The following SCRG1 variants were observed in gnomAD, a reference collection of about 807,000 sequenced individuals.
The protein encoded by SCRG1 is stimulator of chondrogenesis 1.
A neutral mutation model predicts 7.7 loss-of-function variants in SCRG1; 3 were observed. The observed-to-expected ratio is 0.39, with a 90% CI of 0.18 to 1.01. The LOEUF (loss-of-function observed/expected upper bound fraction) is 1.01. Among genes scored for constraint, SCRG1 ranks in the 50% least tolerant of loss-of-function variants. The probability of loss-of-function intolerance (pLI) is 0.36; values close to 1 mark genes in which losing one functional copy is unlikely to be tolerated. For missense variants in SCRG1, 110 were observed against 117.2 expected (o/e 0.94, Z 0.28); for synonymous variants, 46 against 41.2 (o/e 1.12, Z -0.44).
chr4:173,434,488 C>T, the SCRG1 span, among the ~76,000 whole-genome samples: 2 of 152,204 alleles, frequency 1.3e-5, no homozygotes, highest in South Asian at 2.1e-4. Context: ...GCAAGCAATA[C>T]GTTCTAAATG....
chr4:173,390,353 T>C (rs1338300088), intron 2 of SCRG1, among the ~76,000 whole-genome samples: 1 of 152,230 alleles, frequency 6.6e-6, no homozygotes. Context: ...TGAACTTCTA[T>C]CTAGTTCATT....
the SCRG1 span, among the ~76,000 whole-genome samples, chr4:173,516,800 G>C: frequency 6.6e-6 from 1 of 152,188 alleles, no homozygotes; most frequent in Admixed American, 6.5e-5. Flanking sequence ...ACCGGGTTCC[G>C]ACTCCACCGC....
At chr4:173,438,719 T>C in the SCRG1 span, among the ~76,000 whole-genome samples, 1 of 152,130 alleles carries the variant, frequency 6.6e-6, no homozygotes, top group African/African-American at 2.4e-5. Flanking sequence ...AATAAATCTT[T>C]TTTTTAATTC....
At chr4:173,391,762 T>C (rs1040502916) in intron 1 of SCRG1, among the ~76,000 whole-genome samples, 2 of 152,252 alleles carry the variant, frequency 1.3e-5, no homozygotes, top group South Asian at 4.1e-4. Flanking sequence ...ACCCTGTATC[T>C]ACAAAAAATT....
At chr4:173,484,495 A>AATATATATTATATATTATATAC in the SCRG1 span, among the ~76,000 whole-genome samples, 1 of 24,002 alleles carries the variant, frequency 4.2e-5, no homozygotes, top group Non-Finnish European at 8.8e-5. Context: ...ATATACATAT[A>AATATATATTATATATTATATAC]ATATATATTA....
At chr4:173,484,169 A>G in the SCRG1 span, among the ~76,000 whole-genome samples, 2 of 48,256 alleles carry the variant, frequency 4.1e-5, no homozygotes, top group Non-Finnish European at 7.6e-5. Flanking sequence ...TACATTATAT[A>G]TAATATATAA....
At chr4:173,419,393 T>C in the SCRG1 span, 1 of 1,214,610 alleles carries the variant, frequency 8.2e-7, no homozygotes, top group Non-Finnish European at 1.2e-6. Context: ...GACTGGATTC[T>C]CTCGTACAGC....
the SCRG1 span, among the ~76,000 whole-genome samples, chr4:173,483,122 T>C: frequency 1.3e-5 from 1 of 74,084 alleles, no homozygotes; most frequent in Non-Finnish European, 2.4e-5. Context: ...ATTTTATATA[T>C]AATGTATATT....
At chr4:173,446,082 A>T in the SCRG1 span, among the ~76,000 whole-genome samples, 1 of 151,642 alleles carries the variant, frequency 6.6e-6, no homozygotes, top group Admixed American at 6.6e-5. Context: ...TCATTTTTTT[A>T]AAACTACAAA....
At chr4:173,501,396 G>T in the SCRG1 span, among the ~76,000 whole-genome samples, 1 of 152,176 alleles carries the variant, frequency 6.6e-6, no homozygotes, top group Admixed American at 6.5e-5. This position sits in a 1 kb window ranked among gnomAD's most constrained non-coding sequence, Gnocchi z 5.1. Context: ...TTCTTGATGC[G>T]GCTTGAGATG....
At chr4:173,428,451 A>G in the SCRG1 span, among the ~76,000 whole-genome samples, 1 of 152,226 alleles carries the variant, frequency 6.6e-6, no homozygotes, top group Non-Finnish European at 1.5e-5. Flanking sequence ...TAATGTAACC[A>G]GAAAGAAGAA....
intron 1 of SCRG1, among the ~76,000 whole-genome samples, chr4:173,392,864 G>C (rs538924035): frequency 6.6e-6 from 1 of 152,310 alleles, no homozygotes; most frequent in South Asian, 2.1e-4. Context: ...GCCAAACCCG[G>C]CAGATCACCT....
chr4:173,434,031 C>A, the SCRG1 span, among the ~76,000 whole-genome samples: 4 of 152,184 alleles, frequency 2.6e-5, no homozygotes, highest in African/African-American at 9.7e-5. Flanking sequence ...ATATCAAATT[C>A]CCTCTGTTAA....
chr4:173,511,706 C>T, the SCRG1 span, among the ~76,000 whole-genome samples: 43 of 152,242 alleles, frequency 2.8e-4, no homozygotes, highest in Non-Finnish European at 5.6e-4. This position sits in a 1 kb window ranked among gnomAD's most constrained non-coding sequence, Gnocchi z 5.2. Flanking sequence ...TTAAATTCAA[C>T]ACTTTCAAGA....
chr4:173,513,318 C>T, the SCRG1 span, among the ~76,000 whole-genome samples: 1 of 152,090 alleles, frequency 6.6e-6, no homozygotes, highest in African/African-American at 2.4e-5. Flanking sequence ...ACATTTGTCC[C>T]TATCTTCTCT....
At chr4:173,508,239 T>A in the SCRG1 span, among the ~76,000 whole-genome samples, 1 of 151,994 alleles carries the variant, frequency 6.6e-6, no homozygotes, top group African/African-American at 2.4e-5. This position sits in a 1 kb window ranked among gnomAD's most constrained non-coding sequence, Gnocchi z 4.4. Context: ...GAAAGTCAGG[T>A]GGAAAACAAG....
At chr4:173,412,440 T>C in the SCRG1 span, among the ~76,000 whole-genome samples, 1 of 152,328 alleles carries the variant, frequency 6.6e-6, no homozygotes, top group East Asian at 1.9e-4. Context: ...GGCTCCCATG[T>C]TGATGCCTTG....
the SCRG1 span, among the ~76,000 whole-genome samples, chr4:173,452,924 C>T: frequency 8.0e-4 from 122 of 152,228 alleles, 1 homozygote; most frequent in South Asian, 7.3e-3. Context: ...GCTGAAGCTC[C>T]CATGGAAAGA....
chr4:173,517,565 G>A, the SCRG1 span, among the ~76,000 whole-genome samples: 347 of 152,210 alleles, frequency 2.3e-3, 1 homozygote, highest in African/African-American at 7.6e-3. Flanking sequence ...AAGTAACTGC[G>A]TACATCCACA....
Sources: allele counts gnomAD v4.1 joint callset (sites outside exome capture counted in the v4.1 genomes callset), GRCh38; gene constraint gnomAD v4.1.1; non-coding constraint Gnocchi (gnomAD v3.1); transcripts MANE v1.5; gene names NCBI Gene and HGNC (gene_info 2026-07-23, HGNC 2026-07-21).